Variants in ATG7 observed in about 807,000 individuals in gnomAD.
ATG7 encodes the protein autophagy related 7.
ATG7 carries 70 observed loss-of-function variants against 82.4 expected under a neutral mutation model. The observed-to-expected ratio is 0.85, with a 90% CI of 0.70 to 1.04. The LOEUF (loss-of-function observed/expected upper bound fraction) is 1.04, where lower values mean the gene tolerates loss of function less well. Ranked by LOEUF, ATG7 falls within the 50% of genes least tolerant of loss-of-function variation. The pLI is 0.00. For missense variants in ATG7, 792 were observed against 864.3 expected (o/e 0.92, Z 1.05); for synonymous variants, 287 against 313.0 (o/e 0.92, Z 0.88).
At chr3:11,317,783 G>A (rs552441258) in intron 9 of ATG7, among the ~76,000 whole-genome samples, 65 of 151,986 alleles carry the variant, frequency 4.3e-4, no homozygotes, top group African/African-American at 1.4e-3. Context: ...AGTAGAGATG[G>A]GGTTTCACCA....
At chr3:11,434,158 C>T (rs952238181) in intron 20 of ATG7, among the ~76,000 whole-genome samples, 3 of 152,194 alleles carry the variant, frequency 2.0e-5, no homozygotes, top group African/African-American at 7.2e-5. Context: ...GGCCTCTCCC[C>T]CACACAGCTG....
At chr3:11,537,189 T>C (rs1409035325) in intron 20 of ATG7, among the ~76,000 whole-genome samples, 1 of 152,202 alleles carries the variant, frequency 6.6e-6, no homozygotes, top group Non-Finnish European at 1.5e-5. Context: ...CTGGACGGGC[T>C]GGCTCCTTCC....
chr3:11,332,214 T>G (rs890270807), intron 10 of ATG7, among the ~76,000 whole-genome samples: 3 of 152,202 alleles, frequency 2.0e-5, no homozygotes, highest in African/African-American at 7.2e-5. Flanking sequence ...CTGAGTGAAC[T>G]ATTAATACAG....
intron 19 of ATG7, among the ~76,000 whole-genome samples, chr3:11,406,680 C>T (rs1350185152): frequency 6.6e-6 from 1 of 152,152 alleles, no homozygotes. Context: ...CCTCACAATC[C>T]TGGTGGAAGG....
intron 1 of ATG7, chr3:11,277,407 C>G (rs1196600026): frequency 1.3e-5 from 2 of 152,286 alleles, no homozygotes; most frequent in Non-Finnish European, 2.9e-5. Flanking sequence ...GAACCTGCCC[C>G]CAATATTTCA....
intron 19 of ATG7, among the ~76,000 whole-genome samples, chr3:11,399,957 T>C (rs1224992493): frequency 2.0e-5 from 3 of 152,220 alleles, no homozygotes; most frequent in Non-Finnish European, 4.4e-5. Flanking sequence ...CTCTACACTA[T>C]GTATAGAGTA....
chr3:11,362,858 C>G lies in ATG7; in HGVS notation c.1729C>G (p.Pro577Ala), dbSNP rs1253457471. 6.2e-7 allele frequency: 1 copy of G among 1,613,940 alleles called. No homozygotes were observed. The highest frequency in any genetic ancestry group is 8.5e-7 in the Non-Finnish European group (1 of 1,179,984). Reference sequence around the variant, plus strand: ...GGACCAGCAGTGCACTGTGAGTCGTCCAGGACTGGCCGTGATTGCAGGAGC... The same window carrying G: ...GGACCAGCAGTGCACTGTGAGTCGTGCAGGACTGGCCGTGATTGCAGGAGC... Reference protein sequence around the residue: ...TLDQQCTVSRPGLAVIAGALA... With the variant: ...TLDQQCTVSRAGLAVIAGALA... The change falls in exon 17 of 21, where the codon CCA (proline) becomes GCA (alanine). Residue 577 changes from proline to alanine, a missense_variant. Physicochemically the swap from Pro to Ala is conservative, Grantham distance 27. Transcript: ENST00000693202.
At chr3:11,573,585 CTGTG>C in the ATG7 span, among the ~76,000 whole-genome samples, 8 of 152,198 alleles carry the variant, frequency 5.3e-5, no homozygotes, top group Admixed American at 1.3e-4. Flanking sequence ...ACTGCTGCTG[CTGTG>C]TATCCTCGGT....
chr3:11,475,801 A>G (rs2088101523), intron 20 of ATG7, among the ~76,000 whole-genome samples: 1 of 151,210 alleles, frequency 6.6e-6, no homozygotes, highest in Admixed American at 6.6e-5. Flanking sequence ...GATACCCTGT[A>G]CCCTAAGTAG....
chr3:11,558,525 G>T, downstream of ATG7: 4 of 1,409,950 alleles, frequency 2.8e-6, no homozygotes, highest in Non-Finnish European at 3.8e-6. Flanking sequence ...AAACCATGCA[G>T]ATCCACGTGT....
chr3:11,507,157 C>CA (rs893037547), intron 20 of ATG7, among the ~76,000 whole-genome samples: 2 of 152,260 alleles, frequency 1.3e-5, no homozygotes, highest in African/African-American at 4.8e-5. Context: ...TGGCACGCAC[C>CA]TGTAGTGCCA....
chr3:11,392,515 T>C (rs2078902465), intron 19 of ATG7, among the ~76,000 whole-genome samples: 1 of 151,610 alleles, frequency 6.6e-6, no homozygotes, highest in South Asian at 2.1e-4. Flanking sequence ...TTAGGTATCA[T>C]TGCATTCTAG....
At chr3:11,532,846 A>G (rs2092718813) in intron 20 of ATG7, among the ~76,000 whole-genome samples, 1 of 152,236 alleles carries the variant, frequency 6.6e-6, no homozygotes, top group South Asian at 2.1e-4. Context: ...CTGAAATGCA[A>G]TCAGCAGTTG....
intron 3 of ATG7, among the ~76,000 whole-genome samples, chr3:11,293,122 A>T (rs573115846): frequency 5.3e-5 from 8 of 152,336 alleles, no homozygotes; most frequent in African/African-American, 1.7e-4. Context: ...TGAATTTGAG[A>T]TTCTGAGGAA....
chr3:11,508,148 C>T (rs1166580753), intron 20 of ATG7, among the ~76,000 whole-genome samples: 6 of 151,952 alleles, frequency 3.9e-5, no homozygotes, highest in African/African-American at 1.5e-4. Context: ...TTCAGGTCTA[C>T]AGCAGATGTC....
chr3:11,524,450 A>C (rs941896847), intron 20 of ATG7, among the ~76,000 whole-genome samples: 1 of 152,208 alleles, frequency 6.6e-6, no homozygotes, highest in Non-Finnish European at 1.5e-5. Flanking sequence ...TAAAGAATGT[A>C]TAGTCTGTTT....
At chr3:11,538,301 C>G (rs2070499325) in intron 20 of ATG7, among the ~76,000 whole-genome samples, 2 of 152,184 alleles carry the variant, frequency 1.3e-5, no homozygotes. Context: ...CTCTATCACA[C>G]CATGGACCTT....
Position 11,495,797 on chromosome 3 carries a change from A to G in ATG7, c.2080-59014A>G, listed in dbSNP as rs887278520. Among the ~76,000 whole-genome samples the G allele has an allele frequency of 6.6e-4, 101 of 152,218 alleles. 2 individuals carry two copies. Among genetic ancestry groups the G allele is most frequent in the Non-Finnish European group, 2.6e-4 (18 of 68,036 alleles). ...TTCTAGAGAACTCTAGCTTTGTTCT[A>G]GCCACTAGCACACATTTTCAAGTTT... On this transcript the variant is annotated intron_variant, in intron 20 of 20. Coordinates refer to ENST00000693202, the MANE Select transcript of ATG7 (RefSeq NM_001349232.2).
intron 14 of ATG7, chr3:11,348,263 T>C: frequency 1.9e-6 from 1 of 525,914 alleles, no homozygotes; most frequent in Non-Finnish European, 3.3e-6. Context: ...TGGAGTTGGT[T>C]CCTTCAGTGC....
Sources: gnomAD v4.1 joint callset for allele counts (sites outside exome capture counted in the v4.1 genomes callset) on GRCh38, gnomAD v4.1.1 for gene constraint, MANE v1.5 for transcripts, NCBI Gene and HGNC (gene_info 2026-07-23, HGNC 2026-07-21) for gene names.